SSH2: variants seen among roughly 807,000 people sequenced by gnomAD.
SSH2 encodes protein phosphatase Slingshot homolog 2.
In SSH2, 37 loss-of-function variants were observed where a neutral mutation model predicts 135.2. The observed-to-expected ratio is 0.27, with a 90% CI of 0.21 to 0.36. SSH2 has a LOEUF of 0.36. SSH2 is among the 10% of genes least tolerant of loss of function. The pLI is 1.00. For synonymous variants in SSH2, 628 were observed against 646.2 expected (o/e 0.97, Z 0.43); for missense variants, 1,408 against 1,765.3 (o/e 0.80, Z 3.63).
intron 3 of SSH2, among the ~76,000 whole-genome samples, chr17:29,770,433 C>T (rs535506546): frequency 1.3e-5 from 2 of 150,744 alleles, no homozygotes; most frequent in East Asian, 4.0e-4. Context: ...CTATCCTGTC[C>T]TTCTATATTC....
intron 3 of SSH2, among the ~76,000 whole-genome samples, chr17:29,784,354 C>T (rs1411874712): frequency 6.7e-6 from 1 of 150,220 alleles, no homozygotes; most frequent in Non-Finnish European, 1.5e-5. Flanking sequence ...CATTGCATTC[C>T]ACCCTGGGCG....
At chr17:29,920,707 A>G (rs1265753126) in intron 1 of SSH2, among the ~76,000 whole-genome samples, 3 of 152,206 alleles carry the variant, frequency 2.0e-5, no homozygotes, top group Non-Finnish European at 4.4e-5. Context: ...AATACTATAA[A>G]TAGCTTTAAA....
chr17:29,638,114 A>G (rs2035991116), intron 14 of SSH2, among the ~76,000 whole-genome samples: 1 of 152,142 alleles, frequency 6.6e-6, no homozygotes, highest in Non-Finnish European at 1.5e-5. Context: ...ACTCCATCTC[A>G]AATAAACAAA....
intron 11 of SSH2, among the ~76,000 whole-genome samples, chr17:29,662,983 C>T (rs751304759): frequency 7.9e-5 from 12 of 152,216 alleles, no homozygotes; most frequent in Non-Finnish European, 1.5e-4. Flanking sequence ...TCAGCCAAAT[C>T]GGACAGCCTC....
At chr17:29,654,712 GTC>G (rs2036712943) in intron 12 of SSH2, among the ~76,000 whole-genome samples, 1 of 152,184 alleles carries the variant, frequency 6.6e-6, no homozygotes, top group Admixed American at 6.6e-5. Flanking sequence ...GTTCACTGTA[GTC>G]TCTATTGTTA....
intron 6 of SSH2, among the ~76,000 whole-genome samples, chr17:29,678,247 C>A (rs1001285597): frequency 2.6e-5 from 4 of 152,128 alleles, no homozygotes; most frequent in African/African-American, 9.7e-5. Flanking sequence ...GCGAGCGCCA[C>A]CACACCTGGC....
intron 1 of SSH2, among the ~76,000 whole-genome samples, chr17:29,880,122 T>C (rs771757966): frequency 2.6e-5 from 4 of 152,160 alleles, no homozygotes; most frequent in South Asian, 2.1e-4. Context: ...TCAAACATCA[T>C]TGAGTGCCTA....
At chr17:29,783,787 C>G (rs1027689508) in intron 3 of SSH2, among the ~76,000 whole-genome samples, 1 of 152,040 alleles carries the variant, frequency 6.6e-6, no homozygotes, top group Non-Finnish European at 1.5e-5. Context: ...ATTGGGGGGG[C>G]CGGGCGCGGT....
intron 11 of SSH2, among the ~76,000 whole-genome samples, chr17:29,665,750 TAAC>T (rs1490933515): frequency 6.6e-6 from 1 of 152,236 alleles, no homozygotes; most frequent in African/African-American, 2.4e-5. Flanking sequence ...ACTAAAACTC[TAAC>T]ACTTGAGAGA....
At chr17:29,644,604 C>A (rs972678632) in intron 14 of SSH2, among the ~76,000 whole-genome samples, 1 of 152,000 alleles carries the variant, frequency 6.6e-6, no homozygotes, top group Admixed American at 6.6e-5. Context: ...GTCAAGAGAT[C>A]GAGACCATCC....
At chr17:29,704,757 A>C (rs1274229562) in intron 3 of SSH2, among the ~76,000 whole-genome samples, 3 of 151,894 alleles carry the variant, frequency 2.0e-5, no homozygotes, top group African/African-American at 4.8e-5. Flanking sequence ...ATACCCACAA[A>C]CAACCAGAAA....
At chr17:29,824,746 T>C (rs1188290033) in intron 2 of SSH2, among the ~76,000 whole-genome samples, 1 of 152,248 alleles carries the variant, frequency 6.6e-6, no homozygotes, top group Non-Finnish European at 1.5e-5. Flanking sequence ...GCCTGTAGCA[T>C]AGCTGTACAC....
chr17:29,909,311 C>T (rs1186185051), intron 1 of SSH2, among the ~76,000 whole-genome samples: 3 of 151,940 alleles, frequency 2.0e-5, no homozygotes, highest in African/African-American at 7.3e-5. Flanking sequence ...GGTATCATGG[C>T]AATGCTTGTA....
intron 4 of SSH2, among the ~76,000 whole-genome samples, chr17:29,699,914 A>C (rs2038910104): frequency 6.6e-6 from 1 of 152,312 alleles, no homozygotes; most frequent in Admixed American, 6.5e-5. Context: ...AATTTCCAAA[A>C]GAGGTTATTT....
At chr17:29,900,148 C>A (rs956476676) in intron 1 of SSH2, among the ~76,000 whole-genome samples, 2 of 152,180 alleles carry the variant, frequency 1.3e-5, no homozygotes, top group African/African-American at 4.8e-5. Context: ...GGATTAAATA[C>A]TTATATGTTA....
chr17:29,684,696 C>A lies in SSH2; in HGVS notation c.358-12G>T, dbSNP rs1337472077. ...TCCAGTCTTACAGCCTGGAATTTAGCAGACAACAGAGAAATTATGAAATTT... is the reference window on the plus strand; with the variant it reads ...TCCAGTCTTACAGCCTGGAATTTAGAAGACAACAGAGAAATTATGAAATTT... On this transcript the variant is annotated splice_polypyrimidine_tract_variant and intron_variant, in intron 5 of 15. Coordinates refer to ENST00000540801, the MANE Select transcript of SSH2 (RefSeq NM_001282129.2). 1.2e-6 allele frequency: 2 copies of A among 1,601,416 alleles called. No homozygotes were observed. The highest frequency in any genetic ancestry group is 1.7e-6 in the Non-Finnish European group (2 of 1,175,200).
intron 3 of SSH2, among the ~76,000 whole-genome samples, chr17:29,781,237 T>C (rs191327815): frequency 8.5e-4 from 130 of 152,308 alleles, no homozygotes; most frequent in African/African-American, 2.8e-3. Context: ...ATGGGCAAAA[T>C]AGTATATATA....
intron 2 of SSH2, among the ~76,000 whole-genome samples, chr17:29,843,927 T>C (rs1047331698): frequency 6.6e-6 from 1 of 152,200 alleles, no homozygotes; most frequent in Non-Finnish European, 1.5e-5. Flanking sequence ...AAGGATATTG[T>C]ATTCTGAGAC....
chr17:29,920,431 C>T (rs1484163132), intron 1 of SSH2, among the ~76,000 whole-genome samples: 2 of 152,144 alleles, frequency 1.3e-5, no homozygotes, highest in Non-Finnish European at 2.9e-5. Flanking sequence ...TCTATGCATG[C>T]AATTTAATAA....
Sources: gnomAD v4.1 joint callset for allele counts (sites outside exome capture counted in the v4.1 genomes callset) on GRCh38, gnomAD v4.1.1 for gene constraint, MANE v1.5 for transcripts, NCBI Gene and HGNC (gene_info 2026-07-23, HGNC 2026-07-21) for gene names.